OR7E24: variants seen among roughly 807,000 people sequenced by gnomAD.
The protein encoded by OR7E24 is olfactory receptor 7E24.
For missense variants in OR7E24, 385 were observed against 410.3 expected, an observed-to-expected ratio of 0.94 and a Z score of 0.53; for synonymous variants, 130 against 157.5, an observed-to-expected ratio of 0.83 and a Z score of 1.31.
chr19:9,229,545 A>G, the OR7E24 span, among the ~76,000 whole-genome samples: 1 of 149,924 alleles, frequency 6.7e-6, no homozygotes, highest in Admixed American at 6.6e-5. Context: ...AAAAAAAAAA[A>G]GAAAGAAAGA....
At chr19:9,218,602 A>C in the OR7E24 span, among the ~76,000 whole-genome samples, 29 of 152,250 alleles carry the variant, frequency 1.9e-4, no homozygotes, top group African/African-American at 7.0e-4. Context: ...TACAATTTCA[A>C]TCTTTTGATA....
Position 9,251,874 on chromosome 19 carries a change from C to A in OR7E24, c.819C>A (p.Tyr273Ter). 1 of 1,614,074 alleles carries A rather than the reference C, an allele frequency of 6.2e-7. No homozygotes were observed. Residue 273 changes from tyrosine (Y) to a stop codon, truncating the protein, a stop_gained, in exon 2 of 2, where the codon TAC becomes TAA. Coordinates refer to the OR7E24 transcript ENST00000641946. LOFTEE classifies it low-confidence loss of function (END_TRUNC). The stretch of plus-strand genomic sequence containing the variant: ...TTTATGGAACAGGGCTTGTAGGGTA[C>A]CTCAGTTCAGCTGTGTTACCATCCC...
the OR7E24 span, among the ~76,000 whole-genome samples, chr19:9,220,433 G>A: frequency 3.3e-5 from 5 of 152,226 alleles, no homozygotes; most frequent in Admixed American, 1.3e-4. Context: ...GATCACCTTC[G>A]TTAGATTCCA....
At chr19:9,245,884 TC>T (rs2066127881), upstream of OR7E24, among the ~76,000 whole-genome samples, 1 of 151,894 alleles carries the variant, frequency 6.6e-6, no homozygotes, top group Non-Finnish European at 1.5e-5. Flanking sequence ...AGAGTTAGGG[TC>T]CCAGACTGCG....
chr19:9,231,573 C>CTT, the OR7E24 span, among the ~76,000 whole-genome samples: 33,161 of 152,098 alleles, frequency 0.22, 3,878 homozygotes, highest in South Asian at 0.31. Context: ...GAGCAAGACT[C>CTT]TGTCTCAAAA....
chr19:9,237,298 AATTTATTTATTT>A, the OR7E24 span, among the ~76,000 whole-genome samples: 1 of 148,910 alleles, frequency 6.7e-6, no homozygotes, highest in Non-Finnish European at 1.5e-5. Context: ...GTTTTTTTAA[AATTTATTTATTT>A]ATTTATTTAT....
chr19:9,206,956 G>A, the OR7E24 span: 1 of 152,184 alleles, frequency 6.6e-6, no homozygotes, highest in African/African-American at 2.4e-5. Context: ...GTGTGGGTCT[G>A]AGAGGTTTTA....
the OR7E24 span, among the ~76,000 whole-genome samples, chr19:9,233,949 G>A: frequency 2.7e-5 from 4 of 147,854 alleles, no homozygotes; most frequent in Non-Finnish European, 5.9e-5. Context: ...TGTCACCCAG[G>A]CTGGAGTGCA....
upstream of OR7E24, among the ~76,000 whole-genome samples, chr19:9,249,054 C>T (rs1157318596): frequency 6.6e-6 from 1 of 152,180 alleles, no homozygotes; most frequent in Non-Finnish European, 1.5e-5. Context: ...TGTGTGATCC[C>T]TATGTGATGG....
upstream of OR7E24, among the ~76,000 whole-genome samples, chr19:9,245,489 T>C (rs1260384021): frequency 1.3e-5 from 2 of 152,150 alleles, no homozygotes; most frequent in African/African-American, 4.8e-5. Context: ...AAAATCCATA[T>C]GATGGTTCCT....
upstream of OR7E24, among the ~76,000 whole-genome samples, chr19:9,243,815 G>A (rs1403835637): frequency 6.6e-6 from 1 of 152,246 alleles, no homozygotes; most frequent in Non-Finnish European, 1.5e-5. Context: ...CAAGCAGTTA[G>A]AAGATACAGC....
the OR7E24 span, among the ~76,000 whole-genome samples, chr19:9,223,453 C>T: frequency 6.6e-6 from 1 of 152,198 alleles, no homozygotes; most frequent in Non-Finnish European, 1.5e-5. Context: ...TTATCATATC[C>T]AGTCCTCTAT....
At chr19:9,214,504 T>C in the OR7E24 span, 1 of 1,613,978 alleles carries the variant, frequency 6.2e-7, no homozygotes, top group East Asian at 2.2e-5. Flanking sequence ...AGTAGGAAAG[T>C]ATCCATTCCA....
chr19:9,217,992 A>G, the OR7E24 span, among the ~76,000 whole-genome samples: 1 of 152,190 alleles, frequency 6.6e-6, no homozygotes. Context: ...AAAGCGGGAT[A>G]TGTATTTGAT....
the OR7E24 span, among the ~76,000 whole-genome samples, chr19:9,215,414 A>T: frequency 3.3e-5 from 5 of 149,442 alleles, 1 homozygote; most frequent in Admixed American, 3.4e-4. Flanking sequence ...ATTTGTATCT[A>T]TGAACTTAAA....
chr19:9,214,626 A>G, the OR7E24 span: 3 of 1,614,018 alleles, frequency 1.9e-6, no homozygotes, highest in East Asian at 2.2e-5. Flanking sequence ...GATGAAACAG[A>G]TGTCAACAAA....
chr19:9,222,558 AC>A, the OR7E24 span, among the ~76,000 whole-genome samples: 2 of 152,132 alleles, frequency 1.3e-5, no homozygotes, highest in African/African-American at 4.8e-5. Context: ...TTTTGGGGGT[AC>A]CAATTATAAA....
At chr19:9,235,840 G>T in the OR7E24 span, 5 of 1,611,244 alleles carry the variant, frequency 3.1e-6, no homozygotes, top group Non-Finnish European at 4.2e-6. Flanking sequence ...CTCCACCGAG[G>T]GCAAGTACAA....
At chr19:9,249,059 T>A (rs373157634), upstream of OR7E24, among the ~76,000 whole-genome samples, 2 of 152,342 alleles carry the variant, frequency 1.3e-5, no homozygotes, top group East Asian at 3.9e-4. Context: ...GATCCCTATG[T>A]GATGGATGCA....
Sources: gnomAD v4.1 joint callset for allele counts (sites outside exome capture counted in the v4.1 genomes callset) on GRCh38, gnomAD v4.1.1 for gene constraint, MANE v1.5 for transcripts, NCBI Gene and HGNC (gene_info 2026-07-23, HGNC 2026-07-21) for gene names.